Variants in CHRM5 observed in about 807,000 individuals in gnomAD.
CHRM5 encodes cholinergic receptor muscarinic 5.
In CHRM5, 18 loss-of-function variants were observed where a neutral mutation model predicts 39.0. The ratio of observed to expected loss-of-function variants is 0.46; its 90% CI spans 0.32 to 0.68. CHRM5 has a LOEUF of 0.68. Ranked by LOEUF, CHRM5 falls within the 30% of genes least tolerant of loss-of-function variation. The probability of loss-of-function intolerance (pLI) is 0.04; values close to 1 mark genes in which losing one functional copy is unlikely to be tolerated. For missense variants in CHRM5, 515 were observed against 651.1 expected (o/e 0.79, Z 2.28); for synonymous variants, 241 against 246.3 (o/e 0.98, Z 0.20).
At chr15:34,044,146 C>A (rs1426949795) in intron 1 of CHRM5, among the ~76,000 whole-genome samples, 2 of 151,904 alleles carry the variant, frequency 1.3e-5, no homozygotes, top group South Asian at 2.1e-4. Flanking sequence ...ACTTCTGCAT[C>A]ATTTCTCTAC....
chr15:34,003,958 T>C (rs149065703), intron 1 of CHRM5, among the ~76,000 whole-genome samples: 1 of 152,322 alleles, frequency 6.6e-6, no homozygotes, highest in East Asian at 1.9e-4. Context: ...GGAGACAAAT[T>C]ACTGACAAAG....
chr15:33,990,132 A>G (rs1034143872), intron 1 of CHRM5, among the ~76,000 whole-genome samples: 2 of 152,022 alleles, frequency 1.3e-5, no homozygotes, highest in Non-Finnish European at 2.9e-5. Context: ...TGAACCTGGG[A>G]GGCAGAGGTT....
intron 1 of CHRM5, among the ~76,000 whole-genome samples, chr15:34,036,685 G>C (rs1454669392): frequency 2.0e-5 from 3 of 152,138 alleles, no homozygotes; most frequent in African/African-American, 7.2e-5. Flanking sequence ...TCCAGCTTTG[G>C]CTGAAAACAT....
intron 1 of CHRM5, among the ~76,000 whole-genome samples, chr15:34,037,298 G>T (rs1413331439): frequency 6.6e-6 from 1 of 151,966 alleles, no homozygotes; most frequent in Non-Finnish European, 1.5e-5. Context: ...GATCCCTGCA[G>T]CTAAGGAATA....
At chr15:34,058,930 T>G (rs1900246800) in intron 2 of CHRM5, among the ~76,000 whole-genome samples, 1 of 152,212 alleles carries the variant, frequency 6.6e-6, no homozygotes, top group Admixed American at 6.5e-5. Flanking sequence ...AGAGTCTCAC[T>G]CTGTCGCCCA....
rs1410981312 is a variant in CHRM5, at chr15:34,064,176, A to G, written c.1459A>G (p.Asn487Asp). 6.2e-7 allele frequency: 1 copy of G among 1,614,044 alleles called. No individual in the cohort carries two copies. Among genetic ancestry groups the G allele is most frequent in the Non-Finnish European group, 8.5e-7 (1 of 1,180,026 alleles). The change falls in exon 3 of 3, where the codon AAT becomes GAT. Residue 487 changes from asparagine (N) to aspartate (D), a missense_variant. Physicochemically the swap from Asn to Asp is conservative, Grantham distance 23 (BLOSUM62 1). Coordinates refer to ENST00000383263, the MANE Select transcript of CHRM5 (RefSeq NM_012125.4). The part of the protein sequence containing the change: ...WHLGYWLCYV[N>D]STVNPICYAL... ...CTTGGGCTATTGGTTGTGCTATGTC[A>G]ATAGCACTGTCAACCCCATCTGCTA...
At position 34,064,460 on chromosome 15, in the gene CHRM5, T is replaced by A. The variant is rs1455885032; in HGVS notation, c.*144T>A. The A allele has an allele frequency of 1.0e-6, 1 of 1,001,676 alleles. No individual in the cohort carries two copies. The highest frequency in any genetic ancestry group is 1.4e-6 in the Non-Finnish European group (1 of 692,120). The allele number at this position is 1,001,676 out of a possible 1,614,324, so 62.0% of individuals were successfully genotyped here. A position where few individuals can be genotyped will look rare whatever the true frequency, so the allele number is the denominator to read the frequency against. ...GATTTTTGTAAAGGCTCAAGTTTGG[T>A]TGCCAAATGGAAGGGGCCATAGCTG... On this transcript the variant is annotated 3_prime_UTR_variant, in exon 3 of 3. Transcript: ENST00000383263.
intron 1 of CHRM5, among the ~76,000 whole-genome samples, chr15:33,971,656 G>A (rs189984033): frequency 1.7e-4 from 26 of 151,920 alleles, no homozygotes; most frequent in African/African-American, 5.6e-4. Context: ...ATTTTTAAAT[G>A]CATTAAATAT....
At chr15:33,995,201 C>CTGCA (rs1896883814) in intron 1 of CHRM5, among the ~76,000 whole-genome samples, 1 of 152,050 alleles carries the variant, frequency 6.6e-6, no homozygotes. Context: ...GAGGTCAAGG[C>CTGCA]TGCAGTGAGC....
chr15:34,002,433 T>C (rs1897172631), intron 1 of CHRM5, among the ~76,000 whole-genome samples: 1 of 150,724 alleles, frequency 6.6e-6, no homozygotes, highest in Admixed American at 6.6e-5. Flanking sequence ...CACCCAGCAC[T>C]CCTCCATTCT....
chr15:33,987,661 G>C (rs951105825), intron 1 of CHRM5, among the ~76,000 whole-genome samples: 2 of 152,200 alleles, frequency 1.3e-5, no homozygotes, highest in African/African-American at 4.8e-5. Flanking sequence ...TGGTCCACCT[G>C]CATCTGCAGG....
At chr15:33,979,336 A>G (rs1896032922) in intron 1 of CHRM5, among the ~76,000 whole-genome samples, 1 of 152,124 alleles carries the variant, frequency 6.6e-6, no homozygotes, top group African/African-American at 2.4e-5. Flanking sequence ...AGCCTGGGCA[A>G]TATGGCAAAA....
chr15:33,993,606 G>A (rs58108888), intron 1 of CHRM5, among the ~76,000 whole-genome samples: 2,239 of 152,194 alleles, frequency 0.015, 66 homozygotes, highest in African/African-American at 0.052. Context: ...AAAGAGATCT[G>A]TAAAATAAAA....
At chr15:34,054,878 G>C (rs1900070072) in intron 2 of CHRM5, among the ~76,000 whole-genome samples, 1 of 152,162 alleles carries the variant, frequency 6.6e-6, no homozygotes, top group Non-Finnish European at 1.5e-5. Flanking sequence ...ATGGTTGCTT[G>C]AAAACAATTT....
chr15:33,971,523 A>C (rs905800622), intron 1 of CHRM5, among the ~76,000 whole-genome samples: 2 of 152,100 alleles, frequency 1.3e-5, no homozygotes, highest in African/African-American at 4.8e-5. Context: ...TGTTGACATA[A>C]CAATCTTAAA....
At position 33,968,657 on chromosome 15, in the gene CHRM5, T is replaced by C. The variant is rs1220713036; in HGVS notation, c.-901T>C. 1 of 152,134 alleles carries C rather than the reference T, an allele frequency of 6.6e-6. No individual in the cohort carries two copies. The allele number at this position is 152,134 out of a possible 1,614,324, so 9.4% of individuals were successfully genotyped here. A position where few individuals can be genotyped will look rare whatever the true frequency, so the allele number is the denominator to read the frequency against. ...TCATCTTCTACAGAAAGGAAGCTGA[T>C]GGACTGAAAAGTTCGTATGGAGAAA... On this transcript the variant is annotated 5_prime_UTR_variant, in exon 1 of 3. The change abolishes an upstream ATG in the 5' untranslated region. Transcript: ENST00000383263.
chr15:34,010,031 A>C (rs1897569144), intron 1 of CHRM5, among the ~76,000 whole-genome samples: 1 of 152,160 alleles, frequency 6.6e-6, no homozygotes, highest in Non-Finnish European at 1.5e-5. Flanking sequence ...ACAGCTTCAC[A>C]ATATATGAAG....
rs749188300 is a variant in CHRM5, at chr15:34,063,557, C to G, written c.840C>G (p.Thr280=). Residue 280 remains threonine, a synonymous_variant, in exon 3 of 3, where the codon ACC becomes ACG. Coordinates refer to ENST00000383263, the MANE Select transcript of CHRM5 (RefSeq NM_012125.4). The surrounding 1 kb of genome is among the most constrained non-coding windows in gnomAD (Gnocchi z 4.1). ...SWSSSRRSTS[T]TGKPSQATGP... is the part of the protein sequence containing the mutation. ...CATCCTCCCGCAGGAGCACCTCCAC[C>G]ACTGGGAAGCCATCCCAAGCCACTG... 6 of 1,613,516 alleles carry G rather than the reference C, an allele frequency of 3.7e-6. No homozygotes were observed. Among genetic ancestry groups the G allele is most frequent in the Admixed American group, 1.7e-5 (1 of 59,998 alleles).
chr15:34,013,955 G>A (rs1198541069), intron 1 of CHRM5, among the ~76,000 whole-genome samples: 2 of 152,110 alleles, frequency 1.3e-5, no homozygotes, highest in East Asian at 1.9e-4. Context: ...AAGAACAGAG[G>A]GAACTCACAT....
Sources: gnomAD v4.1 joint callset for allele counts (sites outside exome capture counted in the v4.1 genomes callset) on GRCh38, gnomAD v4.1.1 for gene constraint, Gnocchi (gnomAD v3.1) non-coding constraint, MANE v1.5 for transcripts, NCBI Gene and HGNC (gene_info 2026-07-23, HGNC 2026-07-21) for gene names.